The following MAP4 variants were observed in gnomAD, a reference collection of about 807,000 sequenced individuals.
MAP4 encodes microtubule-associated protein 4.
A neutral mutation model predicts 170.2 loss-of-function variants in MAP4; 76 were observed. The ratio of observed to expected loss-of-function variants is 0.45; its 90% CI spans 0.37 to 0.54. The LOEUF (loss-of-function observed/expected upper bound fraction) is 0.54. Ranked by LOEUF, MAP4 falls within the 20% of genes least tolerant of loss-of-function variation. The pLI, the probability that MAP4 is intolerant of heterozygous loss-of-function variation, is 0.00. For missense variants in MAP4, 2,506 were observed against 2,748.0 expected (o/e 0.91, Z 1.97); for synonymous variants, 909 against 994.5 (o/e 0.91, Z 1.62).
At chr3:47,865,048 G>A (rs530983902) in intron 17 of MAP4, among the ~76,000 whole-genome samples, 58 of 152,258 alleles carry the variant, frequency 3.8e-4, no homozygotes, top group African/African-American at 1.4e-3. Flanking sequence ...ATGGCTCACA[G>A]TAGTCTCCCT....
At position 47,913,599 on chromosome 3, in the gene MAP4, G is replaced by A. The variant is rs1011785781; in HGVS notation, c.2000-1178C>T. ...ATATAATAATTCAGGGGGCAAGGAC[G>A]GGGACTTAAATATCTATATGCCTTA... is the stretch of plus-strand genomic sequence containing the variant. On this transcript the variant is annotated intron_variant, in intron 8 of 20. Transcript: ENST00000683076. Among the ~76,000 whole-genome samples, 29 of 152,152 alleles carry A rather than the reference G, an allele frequency of 1.9e-4. 1 individual carries two copies. Among genetic ancestry groups the A allele is most frequent in the African/African-American group, 6.0e-4 (25 of 41,514 alleles).
At position 47,914,812 on chromosome 3, in the gene MAP4, C is replaced by T. The variant is rs769575905; in HGVS notation, c.1999+5G>A. ...CAAAGAGTTCATTTTGTTTTCCTAACTTACCTGAGGTCTCTGAAGAAAGCT... is the reference window on the plus strand; with the variant it reads ...CAAAGAGTTCATTTTGTTTTCCTAATTTACCTGAGGTCTCTGAAGAAAGCT... On this transcript the variant is annotated splice_donor_5th_base_variant and intron_variant, in intron 8 of 20. Coordinates refer to ENST00000683076, the MANE Select transcript of MAP4 (RefSeq NM_001385682.1). 2 of 1,614,102 alleles carry T rather than the reference C, an allele frequency of 1.2e-6. No homozygotes were observed. The highest frequency in any genetic ancestry group is 1.7e-6 in the Non-Finnish European group (2 of 1,180,006).
chr3:48,062,554 T>C (rs1268949506), intron 1 of MAP4, among the ~76,000 whole-genome samples: 4 of 143,772 alleles, frequency 2.8e-5, no homozygotes, highest in Non-Finnish European at 6.1e-5. Flanking sequence ...ACAATTGTTA[T>C]CTGTCAATTA....
At chr3:47,878,155 A>G (rs1406295911) in intron 10 of MAP4, among the ~76,000 whole-genome samples, 1 of 152,196 alleles carries the variant, frequency 6.6e-6, no homozygotes, top group South Asian at 2.1e-4. Context: ...TATACCTGAG[A>G]GCATTAAAAT....
chr3:47,851,453 T>G lies in MAP4; in HGVS notation c.*1481A>C, dbSNP rs535544981. On this transcript the variant is annotated 3_prime_UTR_variant, in exon 21 of 21. Coordinates refer to ENST00000683076, the MANE Select transcript of MAP4 (RefSeq NM_001385682.1). ...GAAGGGCAGAGGTCAGGAGGGGGCA[T>G]GAGGAGGCCAAGTCTGGGGCAGCCT... The G allele has an allele frequency of 1.3e-5, 2 of 152,210 alleles. No homozygotes were observed. Among genetic ancestry groups the G allele is most frequent in the African/African-American group, 4.8e-5 (2 of 41,430 alleles). The allele number at this position is 152,210 out of a possible 1,614,324, so 9.4% of individuals were successfully genotyped here.
At chr3:48,024,064 C>T (rs997427371) in intron 1 of MAP4, among the ~76,000 whole-genome samples, 1 of 152,200 alleles carries the variant, frequency 6.6e-6, no homozygotes, top group Non-Finnish European at 1.5e-5. Flanking sequence ...GTAATCCCAG[C>T]ACTTGGGGAG....
At chr3:48,074,137 G>A (rs1266932857) in intron 1 of MAP4, among the ~76,000 whole-genome samples, 1 of 152,006 alleles carries the variant, frequency 6.6e-6, no homozygotes, top group Non-Finnish European at 1.5e-5. Flanking sequence ...CATAAAAAAG[G>A]ATGAGTTCAT....
intron 17 of MAP4, among the ~76,000 whole-genome samples, chr3:47,864,614 T>C (rs4858866): frequency 0.019 from 2,852 of 152,262 alleles, 194 homozygotes; most frequent in East Asian, 0.12. Flanking sequence ...GAGGCGGAGC[T>C]TGCAGTGAGC....
rs571269305 is a variant in MAP4 at position 48,057,592 on chromosome 3, C to T, written c.-20+31181G>A. Among the ~76,000 whole-genome samples, 204 of 119,354 alleles carry T rather than the reference C, an allele frequency of 1.7e-3. 2 individuals are homozygous for T. Among genetic ancestry groups the T allele is most frequent in the African/African-American group, 5.9e-3 (198 of 33,520 alleles). 78.3% of individuals were successfully genotyped at this position (119,354 alleles called of 152,430 possible). A position where few individuals can be genotyped will look rare whatever the true frequency, so the allele number is the denominator to read the frequency against. ...CCAAATCCCCCTCTGTGAGAAACAC[C>T]CAAGAATTATCAATAAAAAAATAAA... On this transcript the variant is annotated intron_variant, in intron 1 of 18. Transcript: ENST00000360240.
At chr3:47,887,141 G>A (rs981194775) in intron 10 of MAP4, among the ~76,000 whole-genome samples, 1 of 152,266 alleles carries the variant, frequency 6.6e-6, no homozygotes, top group Non-Finnish European at 1.5e-5. Context: ...GCTGCACTGT[G>A]GGACCCCCTT....
At chr3:47,951,772 C>T (rs1269457869) in intron 3 of MAP4, among the ~76,000 whole-genome samples, 3 of 152,198 alleles carry the variant, frequency 2.0e-5, no homozygotes, top group African/African-American at 7.2e-5. Context: ...CGGCAGCCAC[C>T]CCGTCTGGGA....
rs774355545 is a variant in MAP4, at chr3:47,910,106, C to T, written c.4315G>A (p.Ala1439Thr). 6.2e-7 allele frequency: 1 copy of T among 1,613,966 alleles called. No individual in the cohort carries two copies. Among genetic ancestry groups the T allele is most frequent in the Non-Finnish European group, 8.5e-7 (1 of 1,179,876 alleles). Residue 1439 changes from alanine to threonine, a missense_variant, in exon 9 of 21, where the codon GCC becomes ACC. This residue lies in a region of MAP4 where 2,008 missense variants were observed against 2,206.0 expected (regional missense o/e 0.91). Coordinates refer to ENST00000683076, the MANE Select transcript of MAP4 (RefSeq NM_001385682.1). ...GTAGGAGTGGGCAGTTTTTCACAGGCTGCTGATTCCAGAACCTCTAGAGGA... is the reference window on the plus strand; with the variant it reads ...GTAGGAGTGGGCAGTTTTTCACAGGTTGCTGATTCCAGAACCTCTAGAGGA... The part of the protein sequence containing the change: ...SSPLEVLESA[A>T]CEKLPTPTPQ...
At chr3:47,892,580 A>G (rs1236440571) in intron 10 of MAP4, 6 of 1,432,164 alleles carry the variant, frequency 4.2e-6, no homozygotes, top group East Asian at 2.5e-5. Flanking sequence ...CATCACACCA[A>G]TTCCCCAGTA....
In MAP4 at chr3:47,871,909, A is replaced by G. The variant is rs1004027045; in HGVS notation, c.5941+8T>C. 3 of 1,604,358 alleles carry G rather than the reference A, an allele frequency of 1.9e-6. No homozygotes were observed. The highest frequency in any genetic ancestry group is 2.7e-5 in the African/African-American group (2 of 74,754). On this transcript the variant is annotated splice_region_variant and intron_variant, in intron 13 of 20. Coordinates refer to ENST00000683076, the MANE Select transcript of MAP4 (RefSeq NM_001385682.1). The stretch of plus-strand genomic sequence containing the variant: ...CTAGTTCCCATGGGAGAGAAAGGCA[A>G]TACTCACCAGTGGGCTTCTTGGGCA...
chr3:47,922,851 C>G (rs2100043721), intron 4 of MAP4, among the ~76,000 whole-genome samples: 1 of 152,096 alleles, frequency 6.6e-6, no homozygotes, highest in Non-Finnish European at 1.5e-5. Context: ...AGATTGAGAC[C>G]ATCCTGGCTA....
intron 1 of MAP4, among the ~76,000 whole-genome samples, chr3:48,068,071 C>G (rs2100139158): frequency 6.6e-6 from 1 of 151,752 alleles, no homozygotes; most frequent in African/African-American, 2.4e-5. Context: ...TCAAGACTAG[C>G]CTGGACAACA....
chr3:47,904,324 A>ATTC (rs1301776191), intron 9 of MAP4, among the ~76,000 whole-genome samples: 1 of 151,794 alleles, frequency 6.6e-6, no homozygotes. Context: ...TATTATTATT[A>ATTC]TTATTTTTTG....
chr3:47,899,380 T>C (rs1052746293), intron 10 of MAP4, among the ~76,000 whole-genome samples: 2 of 152,198 alleles, frequency 1.3e-5, no homozygotes, highest in African/African-American at 4.8e-5. Flanking sequence ...CCTCAGGTGA[T>C]CCTCCTGCCT....
intron 5 of MAP4, among the ~76,000 whole-genome samples, chr3:47,920,544 GT>G (rs71070241): frequency 0.82 from 79,254 of 96,618 alleles, 32,920 homozygotes; most frequent in Middle Eastern, 0.9. Flanking sequence ...CACCCAGATG[GT>G]TTTTTTTTTT....
Sources: allele counts gnomAD v4.1 joint callset (sites outside exome capture counted in the v4.1 genomes callset), GRCh38; gene constraint gnomAD v4.1.1; regional missense constraint gnomAD v4.1.1; transcripts MANE v1.5; gene names NCBI Gene and HGNC (gene_info 2026-07-23, HGNC 2026-07-21).